The following GLIS1 variants were observed in gnomAD, a reference collection of about 807,000 sequenced individuals.
The protein encoded by GLIS1 is zinc finger protein GLIS1.
Under a neutral mutation model 63.8 loss-of-function variants are expected in GLIS1, and 24 were observed. The ratio of observed to expected loss-of-function variants is 0.38; its 90% CI spans 0.27 to 0.53. The LOEUF (loss-of-function observed/expected upper bound fraction) is 0.53, where lower values mean the gene tolerates loss of function less well. Ranked by LOEUF, GLIS1 falls within the 20% of genes least tolerant of loss-of-function variation. The pLI is 0.85. For missense variants in GLIS1, 1,036 were observed against 1,074.1 expected (o/e 0.96, Z 0.50); for synonymous variants, 450 against 482.5 (o/e 0.93, Z 0.88).
intron 5 of GLIS1, among the ~76,000 whole-genome samples, chr1:53,525,166 G>T (rs923456034): frequency 6.6e-6 from 1 of 152,000 alleles, no homozygotes; most frequent in Non-Finnish European, 1.5e-5. Context: ...GCCATCTGAG[G>T]TCTAAGGGTT....
Position 53,648,384 on chromosome 1 carries a change from G to A in GLIS1, c.260-48106C>T, listed in dbSNP as rs138176148. On this transcript the variant is annotated intron_variant, in intron 2 of 10. Coordinates refer to ENST00000628545, the MANE Select transcript of GLIS1 (RefSeq NM_001367484.1). ...TCGTATGTTAGATGGGGAGCAATGG[G>A]AACTCTGCTACTCTGCCAGCGGGAG... Among the ~76,000 whole-genome samples the A allele has an allele frequency of 2.6e-3, 396 of 152,244 alleles. 2 individuals are homozygous for A. The highest frequency in any genetic ancestry group is 9.0e-3 in the African/African-American group (376 of 41,552).
chr1:53,694,136 G>T lies in GLIS1; in HGVS notation c.259+43670C>A, dbSNP rs1388359231. Among the ~76,000 whole-genome samples, 6 of 152,210 alleles carry T rather than the reference G, an allele frequency of 3.9e-5. No homozygotes were observed. In the East Asian group the frequency reaches 1.2e-3, roughly 29 times the overall value. On this transcript the variant is annotated intron_variant, in intron 2 of 10. Coordinates refer to ENST00000628545, the MANE Select transcript of GLIS1 (RefSeq NM_001367484.1). ...TAGGGACTGCAGGGACCCAAAGAAGGGGCTCTGGCCCAATCTGGGGTCAGG... is the reference window on the plus strand; with the variant it reads ...TAGGGACTGCAGGGACCCAAAGAAGTGGCTCTGGCCCAATCTGGGGTCAGG...
At chr1:53,721,113 A>G (rs9803748) in intron 2 of GLIS1, among the ~76,000 whole-genome samples, 23,285 of 151,968 alleles carry the variant, frequency 0.15, 1,891 homozygotes, top group East Asian at 0.25. Context: ...TAAATTTTTT[A>G]TAAAATAAAT....
rs972984689 is a variant in GLIS1 at position 53,580,309 on chromosome 1, C to T, written c.1320+13799G>A. Among the ~76,000 whole-genome samples the T allele has an allele frequency of 5.9e-5, 9 of 152,326 alleles. No homozygotes were observed. In the East Asian group the frequency reaches 1.7e-3, roughly 29 times the overall value. On this transcript the variant is annotated intron_variant, in intron 4 of 10. Coordinates refer to ENST00000628545, the MANE Select transcript of GLIS1 (RefSeq NM_001367484.1). ...CAAGCCCTCCCTTTCCCGAGCCCTA[C>T]AGGCCTCCCTACCTGTGAGGTTGGT...
intron 2 of GLIS1, among the ~76,000 whole-genome samples, chr1:53,645,209 C>T (rs933018918): frequency 1.3e-5 from 2 of 152,190 alleles, no homozygotes; most frequent in South Asian, 2.1e-4. Flanking sequence ...TTCCATATTT[C>T]GGATCTTGAT....
intron 4 of GLIS1, among the ~76,000 whole-genome samples, chr1:53,548,081 C>T (rs970241877): frequency 2.6e-5 from 4 of 152,380 alleles, no homozygotes; most frequent in African/African-American, 4.8e-5. Context: ...CTGCTGTTTT[C>T]GCACGGGGGG....
In GLIS1 at chr1:53,600,224, A is replaced by G. The variant is rs1032467683; in HGVS notation, c.314T>C (p.Leu105Pro). Reference sequence around the variant, plus strand: ...GGGGCCAGGGCCCTCAGCAAGGTCCAGGTCCAGCAGGCTCTTCTCTGAGCC... The same window carrying G: ...GGGGCCAGGGCCCTCAGCAAGGTCCGGGTCCAGCAGGCTCTTCTCTGAGCC... The part of the protein sequence containing the change: ...TPGSEKSLLD[L>P]DLAEGPGPTC... The change falls in exon 3 of 11, where the codon CTG becomes CCG. Residue 105 changes from leucine to proline, a missense_variant. Physicochemically the swap from Leu to Pro is moderately conservative, Grantham distance 98. This residue lies in a region of GLIS1 where 592 missense variants were observed against 593.9 expected (regional missense o/e 1.00). Transcript: ENST00000628545. The G allele has an allele frequency of 2.3e-5, 28 of 1,231,998 alleles. No individual in the cohort carries two copies. The African/African-American group carries it at 4.3e-4, about 19-fold the overall frequency. 76.3% of individuals were successfully genotyped at this position (1,231,998 alleles called of 1,614,324 possible). A position where few individuals can be genotyped will look rare whatever the true frequency, so the allele number is the denominator to read the frequency against.
chr1:53,619,081 G>T (rs1281542690), intron 2 of GLIS1, among the ~76,000 whole-genome samples: 1 of 152,212 alleles, frequency 6.6e-6, no homozygotes, highest in Non-Finnish European at 1.5e-5. Context: ...GGCGGGGCTG[G>T]TCTTGGACCA....
intron 4 of GLIS1, among the ~76,000 whole-genome samples, chr1:53,567,624 G>A (rs1451802141): frequency 6.6e-6 from 1 of 152,174 alleles, no homozygotes; most frequent in Non-Finnish European, 1.5e-5. Flanking sequence ...AGCTGAGGAG[G>A]AAAAAATGGT....
chr1:53,641,923 C>T (rs1645791342), intron 2 of GLIS1, among the ~76,000 whole-genome samples: 1 of 152,224 alleles, frequency 6.6e-6, no homozygotes, highest in Non-Finnish European at 1.5e-5. Flanking sequence ...AGGGCTGTCC[C>T]ATCCCAGGGC....
chr1:53,569,129 A>G (rs1385643423), intron 4 of GLIS1, among the ~76,000 whole-genome samples: 1 of 152,252 alleles, frequency 6.6e-6, no homozygotes, highest in Non-Finnish European at 1.5e-5. Context: ...CAGTGAAAAC[A>G]TCGGTGGTTG....
At chr1:53,510,189 T>C (rs1031965754) in intron 8 of GLIS1, among the ~76,000 whole-genome samples, 162 bp from the exon 9 acceptor site, 6 of 152,204 alleles carry the variant, frequency 3.9e-5, no homozygotes, top group Non-Finnish European at 8.8e-5. Flanking sequence ...TTTTTGGTCA[T>C]GTTCAAGCCA....
intron 4 of GLIS1, among the ~76,000 whole-genome samples, chr1:53,545,831 C>A (rs149831716): frequency 3.0e-4 from 45 of 152,322 alleles, no homozygotes; most frequent in Non-Finnish European, 3.5e-4. Flanking sequence ...TGTGCCCTTG[C>A]GTGAGTCGCT....
At chr1:53,513,648 T>C (rs756469399) in intron 8 of GLIS1, among the ~76,000 whole-genome samples, 4 of 151,222 alleles carry the variant, frequency 2.6e-5, no homozygotes, top group Non-Finnish European at 5.9e-5. Context: ...ACTGGCCCCC[T>C]GTGTGGTAGG....
chr1:53,572,645 C>G (rs996629760), intron 4 of GLIS1, among the ~76,000 whole-genome samples: 1 of 152,234 alleles, frequency 6.6e-6, no homozygotes, highest in Admixed American at 6.5e-5. Context: ...GCAGCAGCCT[C>G]CAGGCCTTGG....
intron 4 of GLIS1, among the ~76,000 whole-genome samples, chr1:53,569,977 A>C (rs1644969404): frequency 6.6e-6 from 1 of 152,158 alleles, no homozygotes; most frequent in Admixed American, 6.5e-5. Flanking sequence ...AATCATATAA[A>C]GAGGTCCTAT....
chr1:53,718,749 C>T (rs1379091015), intron 2 of GLIS1, among the ~76,000 whole-genome samples: 2 of 152,168 alleles, frequency 1.3e-5, no homozygotes, highest in Non-Finnish European at 1.5e-5. Flanking sequence ...CTTAACTCTG[C>T]GGATCATTCC....
chr1:53,647,658 C>A (rs1645861034), intron 2 of GLIS1, among the ~76,000 whole-genome samples: 1 of 151,078 alleles, frequency 6.6e-6, no homozygotes, highest in African/African-American at 2.5e-5. Flanking sequence ...AGACTATTTT[C>A]ACAATTTGAG....
At chr1:53,559,311 G>T (rs1644862110) in intron 4 of GLIS1, among the ~76,000 whole-genome samples, 1 of 152,322 alleles carries the variant, frequency 6.6e-6, no homozygotes, top group East Asian at 1.9e-4. Flanking sequence ...TTGGTGGACT[G>T]GAGAGAGGAC....
Sources: gnomAD v4.1 joint callset for allele counts (sites outside exome capture counted in the v4.1 genomes callset) on GRCh38, gnomAD v4.1.1 for gene constraint, gnomAD v4.1.1 regional missense constraint, MANE v1.5 for transcripts, NCBI Gene and HGNC (gene_info 2026-07-23, HGNC 2026-07-21) for gene names.